ZBTB7C: variants seen among roughly 807,000 people sequenced by gnomAD.
ZBTB7C encodes zinc finger and BTB domain-containing protein 7C.
In ZBTB7C, 8 loss-of-function variants were observed where a neutral mutation model predicts 25.7. That is an observed-to-expected ratio of 0.31 (90% CI 0.18 to 0.56). The LOEUF (loss-of-function observed/expected upper bound fraction) is 0.56. Ranked by LOEUF, ZBTB7C falls within the 20% of genes least tolerant of loss-of-function variation. The pLI, the probability that ZBTB7C is intolerant of heterozygous loss-of-function variation, is 0.91. For synonymous variants in ZBTB7C, 394 were observed against 369.0 expected (o/e 1.07, Z -0.78); for missense variants, 824 against 855.2 (o/e 0.96, Z 0.46).
At chr18:48,333,770 A>G (rs2144925707) in intron 2 of ZBTB7C, among the ~76,000 whole-genome samples, 1 of 152,340 alleles carries the variant, frequency 6.6e-6, no homozygotes, top group East Asian at 1.9e-4. Flanking sequence ...TCTCCAGTCT[A>G]GAGAGGCAGG....
At chr18:48,288,386 C>T (rs980358912) in intron 2 of ZBTB7C, among the ~76,000 whole-genome samples, 2 of 152,048 alleles carry the variant, frequency 1.3e-5, no homozygotes, top group South Asian at 2.1e-4. Flanking sequence ...CCGTGGCTCA[C>T]GCCTGTAATC....
chr18:48,092,254 C>T (rs561090700), intron 3 of ZBTB7C, among the ~76,000 whole-genome samples: 3 of 152,330 alleles, frequency 2.0e-5, no homozygotes, highest in South Asian at 2.1e-4. Flanking sequence ...GAACTTAACA[C>T]GTTGTGAACC....
intron 3 of ZBTB7C, among the ~76,000 whole-genome samples, chr18:48,109,704 G>A (rs967510437): frequency 6.6e-6 from 1 of 152,196 alleles, no homozygotes; most frequent in Non-Finnish European, 1.5e-5. Flanking sequence ...GCCTGCAGAG[G>A]AGGGAGGGGG....
rs149112136 is a variant in ZBTB7C at position 48,040,412 on chromosome 18, C to A, written c.696G>T (p.Arg232Ser). 6.2e-7 allele frequency: 1 copy of A among 1,611,004 alleles called. No homozygotes were observed. The highest frequency in any genetic ancestry group is 8.5e-7 in the Non-Finnish European group (1 of 1,178,532). ...IRDFSIESLL[R>S]ENLYPKANIP... ...TGTTGGCCTTGGGGTACAGGTTCTCCCTTAGCAGAGATTCGATGGAGAAGT... is the reference window on the plus strand; with the variant it reads ...TGTTGGCCTTGGGGTACAGGTTCTCACTTAGCAGAGATTCGATGGAGAAGT... The change falls in exon 4 of 5, where the codon AGG (arginine) becomes AGT (serine). Residue 232 changes from arginine to serine, a missense_variant. Transcript: ENST00000590800.
intron 2 of ZBTB7C, among the ~76,000 whole-genome samples, chr18:48,267,993 A>G (rs2044361768): frequency 6.6e-6 from 1 of 152,222 alleles, no homozygotes; most frequent in Admixed American, 6.5e-5. Flanking sequence ...TAGCTTCTAA[A>G]TGTCTCTGTC....
At chr18:48,211,625 AAAC>A (rs1405079156) in intron 2 of ZBTB7C, among the ~76,000 whole-genome samples, 2 of 152,196 alleles carry the variant, frequency 1.3e-5, no homozygotes, top group African/African-American at 4.8e-5. Flanking sequence ...TTGCAAATTA[AAAC>A]AACAAGGAGA....
chr18:48,029,304 C>A lies in ZBTB7C; in HGVS notation c.1816G>T (p.Ala606Ser). The change falls in exon 5 of 5, where the codon GCC becomes TCC. Residue 606 changes from alanine to serine, a missense_variant. Physicochemically the swap from Ala to Ser is moderately conservative, Grantham distance 99 (BLOSUM62 1). This residue lies in a region of ZBTB7C where 342 missense variants were observed against 307.0 expected (regional missense o/e 1.11). Coordinates refer to ENST00000590800, the MANE Select transcript of ZBTB7C (RefSeq NM_001318841.2). Reference sequence around the variant, plus strand: ...ATGGAGGCCACGTGGTTGAGGCCGGCGAGCCCAGGGAGGCCGGCCAGGCCG... The same window carrying A: ...ATGGAGGCCACGTGGTTGAGGCCGGAGAGCCCAGGGAGGCCGGCCAGGCCG... Reference protein sequence around the residue: ...AAGLAGLPGLAGLNHVASMSE... With the variant: ...AAGLAGLPGLSGLNHVASMSE... 6.5e-7 allele frequency: 1 copy of A among 1,536,824 alleles called. No individual in the cohort carries two copies. Among genetic ancestry groups the A allele is most frequent in the African/African-American group, 1.4e-5 (1 of 72,954 alleles).
chr18:48,204,297 C>G (rs577505022), intron 2 of ZBTB7C, among the ~76,000 whole-genome samples: 22 of 152,294 alleles, frequency 1.4e-4, no homozygotes, highest in African/African-American at 4.8e-4. Context: ...ACTCCAGCCT[C>G]CCTTGTGAAC....
chr18:48,369,176 TAA>T (rs1326050976), intron 1 of ZBTB7C, among the ~76,000 whole-genome samples: 2 of 152,110 alleles, frequency 1.3e-5, no homozygotes, highest in Admixed American at 6.5e-5. Context: ...TAAAGAAATA[TAA>T]GAGGCAATAA....
At chr18:48,210,709 G>T (rs1421145489) in intron 2 of ZBTB7C, among the ~76,000 whole-genome samples, 1 of 152,150 alleles carries the variant, frequency 6.6e-6, no homozygotes, top group Non-Finnish European at 1.5e-5. Context: ...GTCTCCGGGG[G>T]TAGGGAAAAT....
upstream of ZBTB7C, among the ~76,000 whole-genome samples, chr18:48,412,113 G>C (rs2048386692): frequency 6.6e-6 from 1 of 152,226 alleles, no homozygotes. Context: ...AGAGATGCTG[G>C]AATGGTCGGG....
intron 1 of ZBTB7C, among the ~76,000 whole-genome samples, chr18:48,339,423 T>C (rs2046539861): frequency 6.6e-6 from 1 of 152,230 alleles, no homozygotes; most frequent in East Asian, 1.9e-4. Context: ...GGGACACATA[T>C]ATAATGATTA....
intron 2 of ZBTB7C, among the ~76,000 whole-genome samples, chr18:48,315,032 C>A (rs910914937): frequency 2.6e-5 from 4 of 152,282 alleles, no homozygotes; most frequent in Non-Finnish European, 4.4e-5. Context: ...AGCTTCTGTC[C>A]TCTGTTCGGG....
intron 3 of ZBTB7C, among the ~76,000 whole-genome samples, chr18:48,136,712 G>A (rs2040177831): frequency 6.6e-6 from 1 of 152,332 alleles, no homozygotes; most frequent in East Asian, 1.9e-4. Context: ...GCTCTCTGCA[G>A]AGTTCCAGAT....
chr18:48,290,746 C>T (rs1330875425), intron 2 of ZBTB7C, among the ~76,000 whole-genome samples: 1 of 152,198 alleles, frequency 6.6e-6, no homozygotes, highest in Non-Finnish European at 1.5e-5. Flanking sequence ...TTTGGCTGCC[C>T]AGACACCCTC....
chr18:48,179,984 TCCCTTCCTTCCTTACAAGGAAGATATTTC>T (rs2041857541), intron 3 of ZBTB7C, among the ~76,000 whole-genome samples: 1 of 105,864 alleles, frequency 9.4e-6, no homozygotes, highest in Admixed American at 1.0e-4. Flanking sequence ...CTTCCCTCCC[TCCCTTCCTTCCTTACAAGGAAGATATTTC>T]CCCTTCCTTC....
At chr18:48,175,460 T>C (rs1199963258) in intron 3 of ZBTB7C, among the ~76,000 whole-genome samples, 1 of 152,154 alleles carries the variant, frequency 6.6e-6, no homozygotes, top group Non-Finnish European at 1.5e-5. Context: ...GAATCAGAGG[T>C]ATTGGTATGG....
intron 1 of ZBTB7C, among the ~76,000 whole-genome samples, chr18:48,406,122 C>T (rs1192853547): frequency 2.0e-5 from 3 of 152,142 alleles, no homozygotes; most frequent in African/African-American, 7.2e-5. Flanking sequence ...TTCAGCCCTA[C>T]ACAGGCACAG....
In ZBTB7C at chr18:48,335,061, A is replaced by G. The variant is rs190194439; in HGVS notation, c.-79+3113T>C. 3.0e-3 allele frequency among the ~76,000 whole-genome samples: 461 copies of G among 152,324 alleles called. 2 individuals carry two copies. The highest frequency in any genetic ancestry group is 8.1e-3 in the African/African-American group (338 of 41,574). On this transcript the variant is annotated intron_variant, in intron 2 of 4. Transcript: ENST00000590800. ...AGGGGGCTGCCTCCTCCAGCTGACC[A>G]CACAGGTCTGGATAAAGGGGCACCA...
Sources: gnomAD v4.1 joint callset for allele counts (sites outside exome capture counted in the v4.1 genomes callset) on GRCh38, gnomAD v4.1.1 for gene constraint, gnomAD v4.1.1 regional missense constraint, MANE v1.5 for transcripts, NCBI Gene and HGNC (gene_info 2026-07-23, HGNC 2026-07-21) for gene names.